FGFR2: variants seen among roughly 807,000 people sequenced by gnomAD.
The protein encoded by FGFR2 is fibroblast growth factor receptor 2.
A neutral mutation model predicts 95.9 loss-of-function variants in FGFR2; 19 were observed. That is an observed-to-expected ratio of 0.20 (90% CI 0.14 to 0.29). The LOEUF (loss-of-function observed/expected upper bound fraction) is 0.29. Among genes scored for constraint, FGFR2 ranks in the 10% least tolerant of loss-of-function variants. FGFR2 has a pLI of 1.00. For synonymous variants in FGFR2, 392 were observed against 393.3 expected, an observed-to-expected ratio of 1.00 and a Z score of 0.04; for missense variants, 707 against 1,056.9, an observed-to-expected ratio of 0.67 and a Z score of 4.59.
intron 5 of FGFR2, among the ~76,000 whole-genome samples, chr10:121,548,260 TTTTTTTTTTTTTTTTTTTTG>T (rs1355720337): frequency 1.6e-5 from 2 of 128,832 alleles, no homozygotes; most frequent in South Asian, 2.6e-4. Flanking sequence ...TTTTTTTTTT[TTTTTTTTTTTTTTTTTTTTG>T]GTAAAGCAAA....
At chr10:121,575,277 T>C (rs1256447022) in intron 2 of FGFR2, among the ~76,000 whole-genome samples, 1 of 151,966 alleles carries the variant, frequency 6.6e-6, no homozygotes, top group Non-Finnish European at 1.5e-5. Context: ...TACTGAGGAG[T>C]GAGTCACCGT....
intron 5 of FGFR2, among the ~76,000 whole-genome samples, chr10:121,544,152 T>C (rs1018708784): frequency 1.3e-5 from 2 of 151,996 alleles, no homozygotes; most frequent in African/African-American, 4.8e-5. Flanking sequence ...GATGAATGGA[T>C]AAACAAAATG....
chr10:121,579,711 G>A lies in FGFR2; in HGVS notation c.109+13998C>T, dbSNP rs944867167. On this transcript the variant is annotated intron_variant, in intron 2 of 17. Transcript: ENST00000358487. ...AGAACCCCAGCAGGGCTCAGGAGCC[G>A]GATAACTTACCCTAGCCCCACAGCA... Among the ~76,000 whole-genome samples, 17 of 152,280 alleles carry A rather than the reference G, an allele frequency of 1.1e-4. No homozygotes were observed. In the South Asian group the frequency reaches 1.7e-3, roughly 15 times the overall value.
At chr10:121,571,140 C>G (rs541836805) in intron 2 of FGFR2, among the ~76,000 whole-genome samples, 1 of 149,388 alleles carries the variant, frequency 6.7e-6, no homozygotes, top group Non-Finnish European at 1.5e-5. Flanking sequence ...AGGAGCCTGC[C>G]ACCACACCTG....
chr10:121,596,776 T>C (rs1384731664), intron 1 of FGFR2: 5 of 195,058 alleles, frequency 2.6e-5, no homozygotes, highest in African/African-American at 1.2e-4. Context: ...AGCACTTCTT[T>C]CATTTGTTTG....
chr10:121,500,210 G>A (rs1241985990), intron 11 of FGFR2, among the ~76,000 whole-genome samples: 4 of 152,206 alleles, frequency 2.6e-5, no homozygotes, highest in African/African-American at 7.2e-5. Flanking sequence ...AGGGTTGGAA[G>A]GTTAACGTAG....
At chr10:121,496,464 T>C (rs1484279701) in intron 13 of FGFR2, 68 bp downstream of exon 13, 2 of 1,472,654 alleles carry the variant, frequency 1.4e-6, no homozygotes, top group Non-Finnish European at 1.9e-6. Flanking sequence ...CATGTCCAAA[T>C]TGCCTGTTTT....
chr10:121,513,396 G>A (rs996146084), intron 9 of FGFR2, among the ~76,000 whole-genome samples: 1 of 152,144 alleles, frequency 6.6e-6, no homozygotes, highest in South Asian at 2.1e-4. Flanking sequence ...AAGAAAACAC[G>A]ATGACTGTGG....
rs190214526 is a variant in FGFR2 at position 121,513,106 on chromosome 10, T to C, written c.1287+2011A>G. 1.9e-3 allele frequency among the ~76,000 whole-genome samples: 286 copies of C among 152,292 alleles called. 2 individuals carry two copies. The highest frequency in any genetic ancestry group is 6.4e-3 in the African/African-American group (266 of 41,560). On this transcript the variant is annotated intron_variant, in intron 9 of 17. Transcript: ENST00000358487. ...GCTGGATGGTCTCGAACTCCTGACCTCGGGTGATCCACGCGCCTCAGCCTC... is the reference window on the plus strand; with the variant it reads ...GCTGGATGGTCTCGAACTCCTGACCCCGGGTGATCCACGCGCCTCAGCCTC...
At chr10:121,551,787 C>T (rs1855451498) in intron 4 of FGFR2, among the ~76,000 whole-genome samples, 1 of 152,020 alleles carries the variant, frequency 6.6e-6, no homozygotes, top group African/African-American at 2.4e-5. Context: ...ATATGAACAA[C>T]ATATACAACT....
In FGFR2 at chr10:121,480,015, A is replaced by C. The variant is rs201752803; in HGVS notation, c.2308T>G (p.Leu770Val). Residue 770 changes from leucine (L) to valine (V), a missense_variant, in exon 18 of 18, where the codon TTG becomes GTG. Around this residue, in one of 7 missense-constraint regions of FGFR2, gnomAD observed 104 missense variants for 214.2 expected, o/e 0.49. Coordinates refer to ENST00000358487, the MANE Select transcript of FGFR2 (RefSeq NM_000141.5). ...TGTTCGAGAGGTTGGCTGAGGTCCA[A>C]GTATTCCTGAAAGAAGGGAAGAGAG... is the stretch of plus-strand genomic sequence containing the variant. ...ILTLTTNEEY[L>V]DLSQPLEQYS... 6.2e-7 allele frequency: 1 copy of C among 1,614,142 alleles called. No homozygotes were observed. Among genetic ancestry groups the C allele is most frequent in the South Asian group, 1.1e-5 (1 of 91,082 alleles).
chr10:121,592,681 G>GT lies in FGFR2; in HGVS notation c.109+1027dup, dbSNP rs534559525. Among the ~76,000 whole-genome samples the GT allele has an allele frequency of 2.0e-3, 298 of 152,180 alleles. 2 individuals are homozygous for GT. The highest frequency in any genetic ancestry group is 1.9e-4 in the Non-Finnish European group (13 of 68,008). On this transcript the variant is annotated intron_variant, in intron 2 of 17. Coordinates refer to ENST00000358487, the MANE Select transcript of FGFR2 (RefSeq NM_000141.5). ...GTCCTCTCCCAGCCTACCCCACTGG[G>GT]TAAGTGTGCTGTTCATTCACCCCAC...
At position 121,498,580 on chromosome 10, in the gene FGFR2, A is replaced by G. The variant is rs777772933; in HGVS notation, c.1587T>C (p.Ser529=). 1 of 1,614,178 alleles carries G rather than the reference A, an allele frequency of 6.2e-7. No homozygotes were observed. The highest frequency in any genetic ancestry group is 8.5e-7 in the Non-Finnish European group (1 of 1,179,982). Residue 529 remains serine, a synonymous_variant, in exon 12 of 18, where the codon TCT becomes TCC. Coordinates refer to ENST00000358487, the MANE Select transcript of FGFR2 (RefSeq NM_000141.5). ...TCATCTCCATCTCTGACACCAGATC[A>G]GAAAGGTCTTTCTCTGTGGCATCAT... ...LKDDATEKDL[S]DLVSEMEMMK...
At chr10:121,597,422 C>A (rs1376908841) in intron 1 of FGFR2, among the ~76,000 whole-genome samples, 1 of 152,252 alleles carries the variant, frequency 6.6e-6, no homozygotes, top group South Asian at 2.1e-4. Flanking sequence ...CGCCCAGGCA[C>A]CGGAGCCGTC....
At chr10:121,496,433 G>A in intron 13 of FGFR2, 99 bp downstream of exon 13, 1 of 1,134,218 alleles carries the variant, frequency 8.8e-7, no homozygotes, top group Non-Finnish European at 1.3e-6. Flanking sequence ...AGACATGCGA[G>A]GGCTTGATCT....
At chr10:121,509,627 G>A (rs562857472) in intron 9 of FGFR2, among the ~76,000 whole-genome samples, 2 of 151,294 alleles carry the variant, frequency 1.3e-5, no homozygotes, top group South Asian at 4.2e-4. Flanking sequence ...GGGATTACAG[G>A]CATGTACCAC....
chr10:121,584,900 AC>A (rs1375544489), intron 2 of FGFR2, among the ~76,000 whole-genome samples: 1 of 43,642 alleles, frequency 2.3e-5, no homozygotes, highest in Non-Finnish European at 4.1e-5. Flanking sequence ...CCCGCACCCC[AC>A]CCCAAACGAT....
At position 121,478,336 on chromosome 10, in the gene FGFR2, A is replaced by G. The variant is rs1425750721; in HGVS notation, c.*1521T>C. ...CCATTTGGTAAGACACGAGTATTAA[A>G]AAAATAAGTTGCGTGACATTTATTT... On this transcript the variant is annotated 3_prime_UTR_variant, in exon 18 of 18. Coordinates refer to ENST00000358487, the MANE Select transcript of FGFR2 (RefSeq NM_000141.5). 2.2e-5 allele frequency: 5 copies of G among 229,752 alleles called. No individual in the cohort carries two copies. Among genetic ancestry groups the G allele is most frequent in the Non-Finnish European group, 4.3e-5 (5 of 115,732 alleles). The allele number at this position is 229,752 out of a possible 1,614,324, so 14.2% of individuals were successfully genotyped here. A position where few individuals can be genotyped will look rare whatever the true frequency, so the allele number is the denominator to read the frequency against.
chr10:121,487,165 C>T (rs180998469), intron 15 of FGFR2, among the ~76,000 whole-genome samples, 189 bp downstream of exon 15: 15 of 152,346 alleles, frequency 9.8e-5, no homozygotes, highest in Admixed American at 3.9e-4. Context: ...CTCTTTGAAG[C>T]CAGGCAGATT....
Sources: allele counts gnomAD v4.1 joint callset (sites outside exome capture counted in the v4.1 genomes callset), GRCh38; gene constraint gnomAD v4.1.1; regional missense constraint gnomAD v4.1.1; transcripts MANE v1.5; gene names NCBI Gene and HGNC (gene_info 2026-07-23, HGNC 2026-07-21).